Variants in CLEC16A observed in about 807,000 individuals in gnomAD.
CLEC16A encodes the protein C-type lectin domain containing 16A.
In CLEC16A, 51 loss-of-function variants were observed where a neutral mutation model predicts 109.5. That is an observed-to-expected ratio of 0.47 (90% confidence interval 0.37 to 0.59). The LOEUF (loss-of-function observed/expected upper bound fraction) is 0.59. Ranked by LOEUF, CLEC16A falls within the 20% of genes least tolerant of loss-of-function variation. The pLI is 0.00. For synonymous variants in CLEC16A, 673 were observed against 564.2 expected (o/e 1.19, Z -2.73); for missense variants, 1,339 against 1,394.0 (o/e 0.96, Z 0.63).
chr16:11,126,418 G>T (rs538885942), intron 22 of CLEC16A: 1 of 1,415,368 alleles, frequency 7.1e-7, no homozygotes, highest in South Asian at 1.5e-5. Context: ...GAATTTTCTT[G>T]GAAATTTCTT....
chr16:10,944,660 G>T lies in CLEC16A; in HGVS notation c.-58G>T. On this transcript the variant is annotated 5_prime_UTR_variant, in exon 1 of 24. Transcript: ENST00000409790. ...CTTGTGCTACCGCCGCGGGCGCTGG[G>T]CCGCTCTGCTGGTCCGGCATGAGAC... 1 of 1,515,712 alleles carries T rather than the reference G, an allele frequency of 6.6e-7. No individual in the cohort carries two copies. Among genetic ancestry groups the T allele is most frequent in the Non-Finnish European group, 9.0e-7 (1 of 1,112,068 alleles). 93.9% of individuals were successfully genotyped at this position (1,515,712 alleles called of 1,614,324 possible). A position where few individuals can be genotyped will look rare whatever the true frequency, so the allele number is the denominator to read the frequency against.
intron 1 of CLEC16A, among the ~76,000 whole-genome samples, chr16:10,945,282 G>C (rs1012309615): frequency 1.3e-5 from 2 of 152,196 alleles, no homozygotes; most frequent in African/African-American, 4.8e-5. Context: ...GAGTTGGTTG[G>C]ATAAGAGAAT....
chr16:11,161,128 C>T (rs2054707540), intron 22 of CLEC16A, among the ~76,000 whole-genome samples: 1 of 152,194 alleles, frequency 6.6e-6, no homozygotes, highest in African/African-American at 2.4e-5. Flanking sequence ...ATAAAGTGAA[C>T]AAAACCCTCT....
At chr16:11,069,499 A>G (rs1007395202) in intron 19 of CLEC16A, among the ~76,000 whole-genome samples, 4 of 151,982 alleles carry the variant, frequency 2.6e-5, no homozygotes, top group African/African-American at 4.8e-5. Context: ...CAATGGTGCA[A>G]TCATAGCTCA....
At chr16:10,967,399 C>G (rs1008596283) in intron 3 of CLEC16A, among the ~76,000 whole-genome samples, 4 of 152,024 alleles carry the variant, frequency 2.6e-5, no homozygotes, top group African/African-American at 7.2e-5. Flanking sequence ...TAGAGATTTT[C>G]TTTGTTTGTT....
chr16:11,164,505 G>C (rs1209580968), intron 22 of CLEC16A, among the ~76,000 whole-genome samples: 1 of 152,182 alleles, frequency 6.6e-6, no homozygotes, highest in Admixed American at 6.5e-5. Flanking sequence ...TCAGGGACTT[G>C]CCCAAGGTCC....
In CLEC16A at chr16:10,992,579, C is replaced by T. The variant is rs75445097; in HGVS notation, c.1071+9588C>T. Among the ~76,000 whole-genome samples the T allele has an allele frequency of 1.0e-2, 1,072 of 107,512 alleles. 10 individuals carry two copies. Among genetic ancestry groups the T allele is most frequent in the Non-Finnish European group, 0.017 (736 of 43,280 alleles). 70.5% of individuals were successfully genotyped at this position (107,512 alleles called of 152,430 possible). On this transcript the variant is annotated intron_variant, in intron 10 of 23. Transcript: ENST00000409790. ...AGATAACATTAAATGGTTTTATTCA[C>T]TCAAATAATATTGTGCTGGGTGACA...
intron 19 of CLEC16A, among the ~76,000 whole-genome samples, chr16:11,108,072 A>T (rs2152996041): frequency 6.6e-6 from 1 of 152,322 alleles, no homozygotes; most frequent in East Asian, 1.9e-4. Flanking sequence ...TGCCACAAAG[A>T]ACCGTCTCCA....
In CLEC16A at chr16:10,944,804, G is replaced by GT; in HGVS notation, c.80+8dup. 1 of 1,601,968 alleles carries GT rather than the reference G, an allele frequency of 6.2e-7. No individual in the cohort carries two copies. Among genetic ancestry groups the GT allele is most frequent in the Non-Finnish European group, 8.5e-7 (1 of 1,174,120 alleles). ...ACTCCTTGGACCACCTCAAGTGAGT[G>GT]TGGGGGGCGTAGCGGGAGGCCTCGG... On this transcript the variant is annotated splice_region_variant and intron_variant, in intron 1 of 23. Coordinates refer to ENST00000409790, the MANE Select transcript of CLEC16A (RefSeq NM_015226.3).
chr16:11,123,780 C>T lies in CLEC16A; in HGVS notation c.2307C>T (p.Ala769=), dbSNP rs2052602587. 1.9e-6 allele frequency: 3 copies of T among 1,614,068 alleles called. No homozygotes were observed. Among genetic ancestry groups the T allele is most frequent in the Non-Finnish European group, 2.5e-6 (3 of 1,179,910 alleles). The change falls in exon 21 of 24, where the codon GCC becomes GCT. Residue 769 remains alanine (A), a synonymous_variant. Coordinates refer to ENST00000409790, the MANE Select transcript of CLEC16A (RefSeq NM_015226.3). The part of the protein sequence containing the change: ...QVTGVEDDSR[A]LNITIHKPAS... The stretch of plus-strand genomic sequence containing the variant: ...CTGGCGTGGAGGACGACAGCCGTGC[C>T]CTGAACATCACCATCCACAAGCCTG...
Position 11,174,097 on chromosome 16 carries a change from C to T in CLEC16A, c.2807-4238C>T, listed in dbSNP as rs940498949. On this transcript the variant is annotated intron_variant, in intron 23 of 23. Coordinates refer to ENST00000409790, the MANE Select transcript of CLEC16A (RefSeq NM_015226.3). This position sits in a 1 kb window ranked among gnomAD's most constrained non-coding sequence, Gnocchi z 4.7. ...CTGCTCAGTGTCCCCTCCATGTCGC[C>T]TCTGCCGTCCCATTGTTAAAGGCTT... The T allele has an allele frequency of 2.2e-6, 1 of 445,958 alleles. No individual in the cohort carries two copies. Among genetic ancestry groups the T allele is most frequent in the East Asian group, 7.2e-5 (1 of 13,908 alleles). The allele number at this position is 445,958 out of a possible 1,614,324, so 27.6% of individuals were successfully genotyped here.
intron 13 of CLEC16A, among the ~76,000 whole-genome samples, chr16:11,028,282 C>G (rs760189731): frequency 1.3e-5 from 2 of 152,180 alleles, no homozygotes; most frequent in Non-Finnish European, 2.9e-5. Flanking sequence ...CCAGTGTTTT[C>G]TACATTGGGT....
intron 2 of CLEC16A, among the ~76,000 whole-genome samples, chr16:10,960,965 C>A (rs547803861): frequency 1.3e-5 from 2 of 152,306 alleles, no homozygotes; most frequent in South Asian, 4.1e-4. Context: ...TCCAGTCCTA[C>A]AATCACCCTT....
chr16:11,006,483 C>G (rs74007593), intron 11 of CLEC16A, among the ~76,000 whole-genome samples: 1 of 152,166 alleles, frequency 6.6e-6, no homozygotes, highest in South Asian at 2.1e-4. Context: ...TCTCTAGAAG[C>G]TCCTTTCATT....
chr16:11,129,815 T>G (rs2053076224), intron 22 of CLEC16A, among the ~76,000 whole-genome samples: 1 of 146,714 alleles, frequency 6.8e-6, no homozygotes, highest in Non-Finnish European at 1.5e-5. Flanking sequence ...CAGGCTGGGG[T>G]GCAGTGGCAC....
chr16:11,092,509 A>G (rs898797751), intron 19 of CLEC16A, among the ~76,000 whole-genome samples: 2 of 151,996 alleles, frequency 1.3e-5, no homozygotes, highest in Non-Finnish European at 2.9e-5. Context: ...ATACCACTGC[A>G]CTCCAGCCTG....
intron 19 of CLEC16A, among the ~76,000 whole-genome samples, chr16:11,102,143 A>C (rs1442788787): frequency 6.6e-6 from 1 of 152,112 alleles, no homozygotes; most frequent in African/African-American, 2.4e-5. Flanking sequence ...ACTCAGAGGG[A>C]AAAATAGTTT....
At chr16:11,052,427 G>A (rs1365018861) in intron 18 of CLEC16A, among the ~76,000 whole-genome samples, 1 of 152,156 alleles carries the variant, frequency 6.6e-6, no homozygotes, top group East Asian at 1.9e-4. Flanking sequence ...AAACAGGAAT[G>A]ACCTGTCATT....
rs549541844 is a variant in CLEC16A, at chr16:11,013,156, G to A, written c.1304-7037G>A. ...GAGAACATGCAGACTCCACATAGAC[G>A]GTGGCCGGGACTGGGAATCAGTTTT... On this transcript the variant is annotated intron_variant, in intron 11 of 23. Coordinates refer to ENST00000409790, the MANE Select transcript of CLEC16A (RefSeq NM_015226.3). 5.9e-5 allele frequency among the ~76,000 whole-genome samples: 9 copies of A among 152,264 alleles called. No individual in the cohort carries two copies. The East Asian group carries it at 9.6e-4, about 16-fold the overall frequency.
Sources: gnomAD v4.1 joint callset for allele counts (sites outside exome capture counted in the v4.1 genomes callset) on GRCh38, gnomAD v4.1.1 for gene constraint, Gnocchi (gnomAD v3.1) non-coding constraint, MANE v1.5 for transcripts, NCBI Gene and HGNC (gene_info 2026-07-23, HGNC 2026-07-21) for gene names.